The following UTRN variants were observed in gnomAD, a reference collection of about 807,000 sequenced individuals.
UTRN encodes utrophin.
In UTRN, 283 loss-of-function variants were observed where a neutral mutation model predicts 463.9. The observed-to-expected ratio is 0.61, with a 90% CI of 0.55 to 0.67. The LOEUF is 0.67. Among genes scored for constraint, UTRN ranks in the 30% least tolerant of loss-of-function variants. The pLI is 0.00. For synonymous variants in UTRN, 1,442 were observed against 1,431.5 expected, an observed-to-expected ratio of 1.01 and a Z score of -0.17; for missense variants, 3,922 against 4,084.3, an observed-to-expected ratio of 0.96 and a Z score of 1.08.
intron 2 of UTRN, among the ~76,000 whole-genome samples, chr6:144,359,844 T>C (rs556035933): frequency 1.3e-5 from 2 of 152,056 alleles, no homozygotes; most frequent in South Asian, 2.1e-4. Flanking sequence ...GAGTAGAACA[T>C]TGATTGAGAT....
At chr6:144,653,892 TA>T (rs1228628118) in intron 51 of UTRN, among the ~76,000 whole-genome samples, 2 of 152,204 alleles carry the variant, frequency 1.3e-5, no homozygotes, top group Non-Finnish European at 2.9e-5. Context: ...TGTAATGACT[TA>T]AAGTAAAGGA....
Position 144,630,416 on chromosome 6 carries a change from G to T in UTRN, c.7480-47990G>T, listed in dbSNP as rs370226567. Among the ~76,000 whole-genome samples, 17 of 152,318 alleles carry T rather than the reference G, an allele frequency of 1.1e-4. No homozygotes were observed. The East Asian group carries it at 1.2e-3, about 10-fold the overall frequency. On this transcript the variant is annotated intron_variant, in intron 51 of 74. Coordinates refer to ENST00000367545, the MANE Select transcript of UTRN (RefSeq NM_007124.3). ...CTCACAGTTCCACATGGCTGGGGAG[G>T]CCTCACAATCGTGGTGGAAGGCAAA...
At chr6:144,642,313 T>C (rs540455807) in intron 51 of UTRN, among the ~76,000 whole-genome samples, 1 of 152,352 alleles carries the variant, frequency 6.6e-6, no homozygotes, top group South Asian at 2.1e-4. Flanking sequence ...CCTTGTCATG[T>C]TTAGATCTTA....
intron 51 of UTRN, among the ~76,000 whole-genome samples, chr6:144,630,899 AT>A (rs947999256): frequency 4.0e-5 from 6 of 151,140 alleles, no homozygotes; most frequent in South Asian, 4.2e-4. Context: ...GACTTTTCAG[AT>A]TTTTTTTTCA....
At chr6:144,802,343 A>C (rs533197323) in intron 64 of UTRN, among the ~76,000 whole-genome samples, 8 of 152,240 alleles carry the variant, frequency 5.3e-5, no homozygotes, top group African/African-American at 1.9e-4. Context: ...CAGCCACACA[A>C]CTTTTAAATT....
At chr6:144,669,507 T>C (rs1780772158) in intron 51 of UTRN, among the ~76,000 whole-genome samples, 1 of 152,190 alleles carries the variant, frequency 6.6e-6, no homozygotes, top group African/African-American at 2.4e-5. Flanking sequence ...TTCCACTCTT[T>C]TACTCTAAAA....
At chr6:144,774,426 G>A in intron 60 of UTRN, 62 bp downstream of exon 60, 2 of 1,396,670 alleles carry the variant, frequency 1.4e-6, no homozygotes, top group South Asian at 2.7e-5. Context: ...TTTTTTCCAA[G>A]AGGAAGATAA....
chr6:144,550,918 C>T (rs1206233621), intron 47 of UTRN, 47 bp from the exon 48 acceptor site: 5 of 1,478,692 alleles, frequency 3.4e-6, no homozygotes, highest in Non-Finnish European at 4.5e-6. Flanking sequence ...TATTATTCTT[C>T]TCATATGGCT....
chr6:144,754,477 A>G (rs79210323), intron 56 of UTRN, among the ~76,000 whole-genome samples: 3,242 of 150,762 alleles, frequency 0.022, 114 homozygotes, highest in African/African-American at 0.074. Context: ...ATTTCTATAA[A>G]TTGCTTAGAA....
At chr6:144,493,189 A>T in intron 32 of UTRN, 112 bp from the exon 33 acceptor site, 1 of 962,344 alleles carries the variant, frequency 1.0e-6, no homozygotes, top group Non-Finnish European at 1.5e-6. Flanking sequence ...GCCTTTGATC[A>T]CCATAGTTAG....
chr6:144,737,970 C>T (rs1280566305), intron 54 of UTRN, among the ~76,000 whole-genome samples: 2 of 151,862 alleles, frequency 1.3e-5, no homozygotes, highest in Middle Eastern at 3.2e-3. Context: ...TGAGTTGAGC[C>T]GATCATACAG....
At chr6:144,398,315 C>T (rs1782637181) in intron 2 of UTRN, 1 of 317,956 alleles carries the variant, frequency 3.1e-6, no homozygotes. Context: ...CTTCCTTGTC[C>T]TCAATAGATT....
rs1805539564 is a variant in UTRN at position 144,611,650 on chromosome 6, G to C, written c.7479+34362G>C. Among the ~76,000 whole-genome samples, 4 of 152,200 alleles carry C rather than the reference G, an allele frequency of 2.6e-5. No homozygotes were observed. In the South Asian group the frequency reaches 8.3e-4, roughly 32 times the overall value. On this transcript the variant is annotated intron_variant, in intron 51 of 74. Coordinates refer to ENST00000367545, the MANE Select transcript of UTRN (RefSeq NM_007124.3). ...ATACTTAGGTATAAATTTAAATAAAGAGGTAAATGACTGTGTACTGACAAC... is the reference window on the plus strand; with the variant it reads ...ATACTTAGGTATAAATTTAAATAAACAGGTAAATGACTGTGTACTGACAAC...
intron 1 of UTRN, among the ~76,000 whole-genome samples, chr6:144,291,529 A>C (rs1198142702): frequency 6.6e-6 from 1 of 152,186 alleles, no homozygotes; most frequent in Admixed American, 6.5e-5. Context: ...GAAATAATTC[A>C]TTATGTAATT....
chr6:144,511,136 A>C lies in UTRN; in HGVS notation c.4944+13A>C. The C allele has an allele frequency of 3.3e-6, 5 of 1,515,394 alleles. No homozygotes were observed. Among genetic ancestry groups the C allele is most frequent in the Non-Finnish European group, 4.4e-6 (5 of 1,124,130 alleles). The allele number at this position is 1,515,394 out of a possible 1,614,324, so 93.9% of individuals were successfully genotyped here. On this transcript the variant is annotated intron_variant, in intron 35 of 74. Transcript: ENST00000367545. The stretch of plus-strand genomic sequence containing the variant: ...CAATACCTTGATGGTATGTCTCAGG[A>C]AAAAGTAAATGATGAAATCTTCTCC...
chr6:144,471,807 C>T (rs951821663), intron 23 of UTRN, among the ~76,000 whole-genome samples: 21 of 152,172 alleles, frequency 1.4e-4, no homozygotes, highest in Non-Finnish European at 2.1e-4. Flanking sequence ...CAAGAATAAA[C>T]GAGATGCAGA....
chr6:144,778,832 C>T (rs1042963291), intron 60 of UTRN, among the ~76,000 whole-genome samples: 1 of 152,064 alleles, frequency 6.6e-6, no homozygotes, highest in Non-Finnish European at 1.5e-5. Flanking sequence ...CTGTTTGTTT[C>T]ATTTACCACA....
At chr6:144,535,256 T>C (rs1797424512) in intron 43 of UTRN, among the ~76,000 whole-genome samples, 1 of 152,192 alleles carries the variant, frequency 6.6e-6, no homozygotes, top group Admixed American at 6.5e-5. Context: ...AATTTTCATA[T>C]TTTTAGTAGA....
chr6:144,377,344 A>C, intron 2 of UTRN, among the ~76,000 whole-genome samples: 1 of 152,158 alleles, frequency 6.6e-6, no homozygotes, highest in Non-Finnish European at 1.5e-5. Flanking sequence ...GCCTGTACCA[A>C]GTAACATTTC....
Sources: gnomAD v4.1 joint callset for allele counts (sites outside exome capture counted in the v4.1 genomes callset) on GRCh38, gnomAD v4.1.1 for gene constraint, MANE v1.5 for transcripts, NCBI Gene and HGNC (gene_info 2026-07-23, HGNC 2026-07-21) for gene names.